The following PCDHGA4 variants were observed in gnomAD, a reference collection of about 807,000 sequenced individuals.
PCDHGA4 encodes the protein protocadherin gamma subfamily A, 4, also known as protocadherin gamma-A4.
PCDHGA4 carries 38 observed loss-of-function variants against 54.6 expected under a neutral mutation model. The observed-to-expected ratio is 0.70, with a 90% CI of 0.54 to 0.91. The LOEUF (loss-of-function observed/expected upper bound fraction) is 0.91, where lower values mean the gene tolerates loss of function less well. Among genes scored for constraint, PCDHGA4 ranks in the 40% least tolerant of loss-of-function variants. The pLI is 0.00. For synonymous variants in PCDHGA4, 511 were observed against 512.9 expected (o/e 1.00, Z 0.05); for missense variants, 1,298 against 1,220.9 (o/e 1.06, Z -0.94).
Position 141,487,256 on chromosome 5 carries a change from G to T in PCDHGA4, c.2515-7551G>T. On this transcript the variant is annotated intron_variant, in intron 1 of 3. Coordinates refer to ENST00000571252, the MANE Select transcript of PCDHGA4 (RefSeq NM_018917.4). This position sits in a 1 kb window ranked among gnomAD's most constrained non-coding sequence, Gnocchi z 5.0. Reference sequence around the variant, plus strand: ...ATCTCGTCTAACCCTCTACTTGGCTGTGTCCCTAGTGGCAATTTGCTTTGT... The same window carrying T: ...ATCTCGTCTAACCCTCTACTTGGCTTTGTCCCTAGTGGCAATTTGCTTTGT... The T allele has an allele frequency of 2.5e-6, 4 of 1,614,166 alleles. No homozygotes were observed. Among genetic ancestry groups the T allele is most frequent in the Non-Finnish European group, 2.5e-6 (3 of 1,180,032 alleles).
In PCDHGA4 at chr5:141,432,085, G is replaced by A. The variant is rs144065251; in HGVS notation, c.2515-62722G>A. 2.2e-4 allele frequency: 353 copies of A among 1,614,164 alleles called. 1 individual carries two copies. The African/African-American group carries it at 4.2e-3, about 19-fold the overall frequency. ...CGGAAACTCATATCTCGCTGAACGT[G>A]GCAGACACCAACGACAACCCGCCGG... On this transcript the variant is annotated intron_variant, in intron 1 of 3. Transcript: ENST00000571252. This position sits in a 1 kb window ranked among gnomAD's most constrained non-coding sequence, Gnocchi z 6.0.
chr5:141,446,398 G>A (rs1379233102), intron 1 of PCDHGA4, among the ~76,000 whole-genome samples: 2 of 152,128 alleles, frequency 1.3e-5, no homozygotes, highest in African/African-American at 2.4e-5. Context: ...AAGAGAAATC[G>A]AGTTGAGTTC....
At chr5:141,371,461 T>C (rs1314971655) in intron 1 of PCDHGA4, 4 of 1,613,960 alleles carry the variant, frequency 2.5e-6, no homozygotes, top group Middle Eastern at 1.6e-4. Flanking sequence ...TCCCAACATA[T>C]ACAAGAAGAT....
At chr5:141,370,659 C>T (rs1394525404) in intron 1 of PCDHGA4, 1 of 1,613,780 alleles carries the variant, frequency 6.2e-7, no homozygotes, top group South Asian at 1.1e-5. Context: ...TGTGAGCGAC[C>T]GTATAGACCG....
At chr5:141,505,308 G>A in intron 2 of PCDHGA4, 85 bp from the exon 3 acceptor site, 1 of 1,598,660 alleles carries the variant, frequency 6.3e-7, no homozygotes, top group Non-Finnish European at 8.5e-7. Flanking sequence ...TAGGGTACTA[G>A]GTTTGGGAGC....
intron 1 of PCDHGA4, chr5:141,417,651 A>G (rs2154547111): frequency 1.2e-6 from 1 of 822,038 alleles, no homozygotes; most frequent in Non-Finnish European, 1.8e-6. Flanking sequence ...CTCAGCCTCT[A>G]GCCTGGGATT....
intron 1 of PCDHGA4, chr5:141,421,860 C>G: frequency 8.1e-6 from 13 of 1,613,750 alleles, no homozygotes; most frequent in Non-Finnish European, 1.1e-5. Context: ...CTCACCTGCT[C>G]CTCCTCACAG....
At chr5:141,471,942 A>G (rs1163887457) in intron 1 of PCDHGA4, among the ~76,000 whole-genome samples, 1 of 152,192 alleles carries the variant, frequency 6.6e-6, no homozygotes, top group Non-Finnish European at 1.5e-5. Flanking sequence ...AGAGTTTTCT[A>G]AAACTGGATT....
chr5:141,471,204 C>T (rs1349368582), intron 1 of PCDHGA4: 2 of 151,866 alleles, frequency 1.3e-5, no homozygotes, highest in African/African-American at 4.8e-5. Flanking sequence ...CACCCACCCC[C>T]ATGCCTGGCA....
chr5:141,428,050 T>C (rs1222417053), intron 1 of PCDHGA4: 1 of 1,608,844 alleles, frequency 6.2e-7, no homozygotes, highest in Non-Finnish European at 8.5e-7. Flanking sequence ...GTGACCAAGG[T>C]GGTGGCGGTG....
chr5:141,410,820 T>A (rs1032991309), intron 1 of PCDHGA4: 14 of 524,668 alleles, frequency 2.7e-5, no homozygotes, highest in Non-Finnish European at 4.1e-5. Context: ...TAAAATAATG[T>A]CACCAGACTG....
rs1407225048 is a variant in PCDHGA4 at position 141,489,600 on chromosome 5, G to T, written c.2515-5207G>T. On this transcript the variant is annotated intron_variant, in intron 1 of 3. Coordinates refer to ENST00000571252, the MANE Select transcript of PCDHGA4 (RefSeq NM_018917.4). The surrounding 1 kb of genome is among the most constrained non-coding windows in gnomAD (Gnocchi z 4.5). ...ACCCCCTGGAGCTAATCCGTGTAGA[G>T]GTAGAGATCCTGGATCTCAATGACA... The T allele has an allele frequency of 7.4e-6, 12 of 1,613,916 alleles. 1 individual carries two copies. In the South Asian group the frequency reaches 1.2e-4, roughly 16 times the overall value.
chr5:141,403,370 G>T (rs752870915), intron 1 of PCDHGA4: 25 of 1,614,064 alleles, frequency 1.5e-5, no homozygotes, highest in Non-Finnish European at 1.9e-5. Flanking sequence ...AAGTCTGGAA[G>T]TAAAAATTAA....
chr5:141,400,453 C>G, intron 1 of PCDHGA4: 2 of 1,614,056 alleles, frequency 1.2e-6, no homozygotes, highest in South Asian at 2.2e-5. Flanking sequence ...ACAAGACATA[C>G]TTTGTGGTGA....
intron 1 of PCDHGA4, among the ~76,000 whole-genome samples, chr5:141,483,276 TA>T (rs755290434): frequency 2.2e-4 from 33 of 152,238 alleles, no homozygotes; most frequent in Non-Finnish European, 3.8e-4. Context: ...TTAGAAATAT[TA>T]TTCTGTCAGT....
At chr5:141,503,229 T>C (rs986982708) in intron 2 of PCDHGA4, among the ~76,000 whole-genome samples, 1 of 152,080 alleles carries the variant, frequency 6.6e-6, no homozygotes, top group African/African-American at 2.4e-5. Context: ...ACCGTAAAGA[T>C]GGACAGTTTC....
At chr5:141,383,534 T>C in intron 1 of PCDHGA4, 6 of 1,612,436 alleles carry the variant, frequency 3.7e-6, no homozygotes, top group Non-Finnish European at 5.1e-6. Context: ...CACCTGGTCC[T>C]CACAGCCTCT....
chr5:141,500,309 C>T (rs777434466), intron 2 of PCDHGA4, among the ~76,000 whole-genome samples: 2 of 151,602 alleles, frequency 1.3e-5, no homozygotes, highest in Non-Finnish European at 2.9e-5. Flanking sequence ...CCCAGGTTCA[C>T]GCCATGCTCC....
chr5:141,413,842 G>C, intron 1 of PCDHGA4: 1 of 1,613,294 alleles, frequency 6.2e-7, no homozygotes, highest in Non-Finnish European at 8.5e-7. Flanking sequence ...CGACGGGGGT[G>C]ACCCTCTCCG....
Sources: allele counts gnomAD v4.1 joint callset (sites outside exome capture counted in the v4.1 genomes callset), GRCh38; gene constraint gnomAD v4.1.1; non-coding constraint Gnocchi (gnomAD v3.1); transcripts MANE v1.5; gene names NCBI Gene and HGNC (gene_info 2026-07-23, HGNC 2026-07-21).